FRMD3: variants seen among roughly 807,000 people sequenced by gnomAD.
FRMD3 encodes FERM domain-containing protein 3.
Under a neutral mutation model 70.2 loss-of-function variants are expected in FRMD3, and 33 were observed. The observed-to-expected ratio is 0.47, with a 90% confidence interval of 0.36 to 0.63. FRMD3 has a LOEUF of 0.63. Among genes scored for constraint, FRMD3 ranks in the 20% least tolerant of loss-of-function variants. The pLI is 0.00. For synonymous variants in FRMD3, 279 were observed against 255.9 expected (o/e 1.09, Z -0.86); for missense variants, 632 against 711.4 (o/e 0.89, Z 1.27).
At chr9:83,334,321 T>C (rs955760999) in intron 6 of FRMD3, among the ~76,000 whole-genome samples, 3 of 152,250 alleles carry the variant, frequency 2.0e-5, no homozygotes, top group Admixed American at 1.3e-4. Flanking sequence ...TACAATGTTT[T>C]GATGTCTAAT....
At chr9:83,348,864 C>T (rs902565172) in intron 4 of FRMD3, among the ~76,000 whole-genome samples, 6 of 152,176 alleles carry the variant, frequency 3.9e-5, no homozygotes, top group African/African-American at 1.4e-4. Flanking sequence ...TTACCAGAGA[C>T]CCTGGATAAT....
intron 2 of FRMD3, among the ~76,000 whole-genome samples, chr9:83,376,117 G>A (rs146799933): frequency 0.013 from 1,879 of 149,028 alleles, 33 homozygotes; most frequent in African/African-American, 0.044. Context: ...CCAAGATGGC[G>A]CCATTGCACT....
chr9:83,515,338 AG>A (rs1331165287), intron 1 of FRMD3, among the ~76,000 whole-genome samples: 1 of 152,232 alleles, frequency 6.6e-6, no homozygotes, highest in Non-Finnish European at 1.5e-5. Context: ...GAGAATCAAT[AG>A]GTGAATCAAT....
At chr9:83,556,344 A>C in the FRMD3 span, among the ~76,000 whole-genome samples, 2 of 152,246 alleles carry the variant, frequency 1.3e-5, no homozygotes, top group Admixed American at 6.5e-5. Flanking sequence ...TTATTGACCT[A>C]CAGCCAGCAA....
the FRMD3 span, among the ~76,000 whole-genome samples, chr9:83,562,780 A>T: frequency 1.8e-4 from 27 of 152,190 alleles, no homozygotes; most frequent in African/African-American, 5.8e-4. Flanking sequence ...AGAATTATGG[A>T]ATGTCAGAAT....
intron 6 of FRMD3, among the ~76,000 whole-genome samples, chr9:83,326,443 T>C (rs748066142): frequency 2.6e-5 from 4 of 152,164 alleles, no homozygotes; most frequent in Non-Finnish European, 5.9e-5. Flanking sequence ...GCTAAGCATT[T>C]AAAAGACTTA....
chr9:83,299,951 T>C (rs1834838601), intron 10 of FRMD3, among the ~76,000 whole-genome samples: 1 of 152,252 alleles, frequency 6.6e-6, no homozygotes, highest in Non-Finnish European at 1.5e-5. Context: ...TGAGGATGGC[T>C]CTACAGCAGT....
At chr9:83,277,829 A>G (rs2118876662) in intron 13 of FRMD3, among the ~76,000 whole-genome samples, 1 of 152,318 alleles carries the variant, frequency 6.6e-6, no homozygotes, top group Non-Finnish European at 1.5e-5. Context: ...TTTGTTCATT[A>G]ATTCAGCAAA....
intron 1 of FRMD3, among the ~76,000 whole-genome samples, chr9:83,471,642 AC>A (rs1828272058): frequency 6.6e-6 from 1 of 152,182 alleles, no homozygotes; most frequent in South Asian, 2.1e-4. Flanking sequence ...AGGGCTAAAA[AC>A]CAATCATTGC....
Position 83,248,017 on chromosome 9 carries a change from T to C in FRMD3, c.1695A>G (p.Thr565=). The C allele has an allele frequency of 6.2e-7, 1 of 1,614,158 alleles. No individual in the cohort carries two copies. The change falls in exon 14 of 14, where the codon ACA becomes ACG. Residue 565 remains threonine (T), a synonymous_variant. Coordinates refer to ENST00000304195, the MANE Select transcript of FRMD3 (RefSeq NM_174938.6). ...CATAGTGAAACTGCTCAAACTCTGGTGTCTGGCGGATTTCGCATAAGAAGG... is the reference window on the plus strand; with the variant it reads ...CATAGTGAAACTGCTCAAACTCTGGCGTCTGGCGGATTTCGCATAAGAAGG... The part of the protein sequence containing the change: ...DLSFLCEIRQ[T]PEFEQFHYEY...
chr9:83,470,280 C>T (rs1036378336), intron 1 of FRMD3, among the ~76,000 whole-genome samples: 11 of 152,154 alleles, frequency 7.2e-5, no homozygotes, highest in African/African-American at 1.7e-4. Context: ...CTGAACTGAA[C>T]CCAAACTTCC....
In FRMD3 at chr9:83,423,585, C is replaced by CTTTTTTTTT. The variant is rs869226126; in HGVS notation, c.148-33886_148-33878dup. Among the ~76,000 whole-genome samples, 383 of 60,492 alleles carry CTTTTTTTTT rather than the reference C, an allele frequency of 6.3e-3. 66 individuals are homozygous for CTTTTTTTTT. Among genetic ancestry groups the CTTTTTTTTT allele is most frequent in the African/African-American group, 7.0e-3 (102 of 14,546 alleles). 39.7% of individuals were successfully genotyped at this position (60,492 alleles called of 152,430 possible). A position where few individuals can be genotyped will look rare whatever the true frequency, so the allele number is the denominator to read the frequency against. ...TTCCCTAGTTGCACTAGCCCTGTTT[C>CTTTTTTTTT]TTTTTTTTTTTTTTTTTTTTTTTTT... On this transcript the variant is annotated intron_variant, in intron 1 of 13. Coordinates refer to ENST00000304195, the MANE Select transcript of FRMD3 (RefSeq NM_174938.6).
chr9:83,452,479 T>G (rs938053552), intron 1 of FRMD3, among the ~76,000 whole-genome samples: 1 of 146,604 alleles, frequency 6.8e-6, no homozygotes, highest in Non-Finnish European at 1.5e-5. Flanking sequence ...AGTTGTTTTT[T>G]TTGTTGTTGT....
At chr9:83,244,601 A>AAAC (rs1391153469), downstream of FRMD3, 32 of 905,282 alleles carry the variant, frequency 3.5e-5, no homozygotes, top group Non-Finnish European at 4.1e-5. Flanking sequence ...ACTTTAAATA[A>AAAC]AACTGAATGA....
At chr9:83,516,930 C>T (rs921330137) in intron 1 of FRMD3, among the ~76,000 whole-genome samples, 1 of 151,774 alleles carries the variant, frequency 6.6e-6, no homozygotes, top group South Asian at 2.1e-4. Flanking sequence ...CCAATGAGAA[C>T]AGACACAATG....
chr9:83,309,259 T>TACACACACAC (rs3029557), intron 10 of FRMD3, among the ~76,000 whole-genome samples: 3 of 138,308 alleles, frequency 2.2e-5, no homozygotes, highest in East Asian at 2.1e-4. Context: ...CTATTTGAAA[T>TACACACACAC]ACACACACAC....
intron 1 of FRMD3, among the ~76,000 whole-genome samples, chr9:83,536,734 G>A (rs1050198028): frequency 1.8e-4 from 27 of 151,898 alleles, no homozygotes; most frequent in Non-Finnish European, 3.1e-4. Context: ...ACACTTGTCC[G>A]GCTGTCAGGT....
chr9:83,411,042 G>A (rs144191951), intron 1 of FRMD3, among the ~76,000 whole-genome samples: 3 of 152,250 alleles, frequency 2.0e-5, no homozygotes, highest in East Asian at 1.9e-4. Flanking sequence ...CCAGAGTGCC[G>A]CAGAATGTTT....
At chr9:83,546,882 C>A in the FRMD3 span, among the ~76,000 whole-genome samples, 2 of 7,936 alleles carry the variant, frequency 2.5e-4, no homozygotes, top group Non-Finnish European at 4.6e-4. Flanking sequence ...CAGAGTGAGA[C>A]TCTGTCTCAA....
Sources: allele counts gnomAD v4.1 joint callset (sites outside exome capture counted in the v4.1 genomes callset), GRCh38; gene constraint gnomAD v4.1.1; transcripts MANE v1.5; gene names NCBI Gene and HGNC (gene_info 2026-07-23, HGNC 2026-07-21).